The following CAMK2A variants were observed in gnomAD, a reference collection of about 807,000 sequenced individuals.
CAMK2A encodes calcium/calmodulin-dependent protein kinase type II subunit alpha.
A neutral mutation model predicts 79.2 loss-of-function variants in CAMK2A; 7 were observed. That is an observed-to-expected ratio of 0.09 (90% CI 0.05 to 0.17). The LOEUF (loss-of-function observed/expected upper bound fraction) is 0.17. CAMK2A is among the 10% of genes least tolerant of loss of function. The pLI is 1.00. For missense variants in CAMK2A, 214 were observed against 646.4 expected (o/e 0.33, Z 7.25); for synonymous variants, 242 against 251.7 (o/e 0.96, Z 0.36).
Position 150,256,954 on chromosome 5 carries a change from G to T in CAMK2A, c.273-123C>A. 1 of 763,272 alleles carries T rather than the reference G, an allele frequency of 1.3e-6. No homozygotes were observed. The allele number at this position is 763,272 out of a possible 1,614,324, so 47.3% of individuals were successfully genotyped here. ...TCAGGACCTCAGCCACAAAAGGAGGGGCCCCAGGGTCACGGGGGTGTCCCC... is the reference window on the plus strand; with the variant it reads ...TCAGGACCTCAGCCACAAAAGGAGGTGCCCCAGGGTCACGGGGGTGTCCCC... On this transcript the variant is annotated intron_variant, in intron 4 of 18. Transcript: ENST00000671881. This position sits in a 1 kb window ranked among gnomAD's most constrained non-coding sequence, Gnocchi z 4.6.
chr5:150,222,476 G>C lies in CAMK2A; in HGVS notation c.*234C>G. The C allele has an allele frequency of 1.4e-6, 1 of 703,586 alleles. No individual in the cohort carries two copies. The highest frequency in any genetic ancestry group is 2.6e-6 in the Non-Finnish European group (1 of 385,670). 43.6% of individuals were successfully genotyped at this position (703,586 alleles called of 1,614,324 possible). ...GACACCCATGCCTGAGGAAGCCCCA[G>C]CCTGGCAGGGGAGAGGGTGGGGGTG... is the stretch of plus-strand genomic sequence containing the variant. On this transcript the variant is annotated 3_prime_UTR_variant, in exon 19 of 19. Transcript: ENST00000671881.
chr5:150,234,195 A>G (rs376824831), intron 15 of CAMK2A, among the ~76,000 whole-genome samples: 8 of 152,098 alleles, frequency 5.3e-5, no homozygotes, highest in African/African-American at 1.9e-4. Flanking sequence ...GTGAGACCTG[A>G]GTCACTCTCC....
In CAMK2A at chr5:150,223,255, C is replaced by CG. The variant is rs766492379; in HGVS notation, c.1238-39dup. On this transcript the variant is annotated intron_variant, in intron 17 of 18. Coordinates refer to ENST00000671881, the MANE Select transcript of CAMK2A (RefSeq NM_015981.4). This position sits in a 1 kb window ranked among gnomAD's most constrained non-coding sequence, Gnocchi z 4.1. ...ATGGGAGGGGCAGAGGAGATGCAAC[C>CG]GGGGGCCTCCTGTCTCACTTTCTTC... 6.6e-6 allele frequency: 10 copies of CG among 1,526,326 alleles called. No individual in the cohort carries two copies. 94.5% of individuals were successfully genotyped at this position (1,526,326 alleles called of 1,614,324 possible).
At chr5:150,279,661 G>A (rs1580955398) in intron 1 of CAMK2A, among the ~76,000 whole-genome samples, 2 of 152,334 alleles carry the variant, frequency 1.3e-5, no homozygotes, top group Admixed American at 6.5e-5. Flanking sequence ...GAGCCACAGC[G>A]AGGTAAAGAA....
At chr5:150,272,102 T>C (rs1030730719) in intron 2 of CAMK2A, among the ~76,000 whole-genome samples, 1 of 152,192 alleles carries the variant, frequency 6.6e-6, no homozygotes, top group Non-Finnish European at 1.5e-5. Context: ...TGGAGTTCAC[T>C]GGCCCCTCTC....
Position 150,284,155 on chromosome 5 carries a change from G to T in CAMK2A, c.62+5409C>A, listed in dbSNP as rs1757327582. 2.0e-5 allele frequency among the ~76,000 whole-genome samples: 3 copies of T among 151,302 alleles called. No homozygotes were observed. The highest frequency in any genetic ancestry group is 2.2e-4 in the South Asian group (1 of 4,560). Reference sequence around the variant, plus strand: ...AGAGGGACAGAGACAGAGGCAGAGTGAGACCAGAGAGACAGAGACAGAGTG... The same window carrying T: ...AGAGGGACAGAGACAGAGGCAGAGTTAGACCAGAGAGACAGAGACAGAGTG... On this transcript the variant is annotated intron_variant, in intron 1 of 18. Transcript: ENST00000671881. The surrounding 1 kb of genome is among the most constrained non-coding windows in gnomAD (Gnocchi z 5.3).
At chr5:150,251,508 A>G (rs1755832262) in intron 9 of CAMK2A, among the ~76,000 whole-genome samples, 1 of 152,242 alleles carries the variant, frequency 6.6e-6, no homozygotes, top group East Asian at 1.9e-4. Context: ...AGAAACAGAG[A>G]AACCCTGGCT....
At chr5:150,276,816 G>A (rs146759862) in intron 1 of CAMK2A, among the ~76,000 whole-genome samples, 310 of 152,262 alleles carry the variant, frequency 2.0e-3, no homozygotes, top group African/African-American at 6.4e-3. Flanking sequence ...ATGGTTGGAC[G>A]GGGGAGGGAG....
intron 15 of CAMK2A, chr5:150,238,447 A>G: frequency 2.6e-6 from 1 of 389,498 alleles, no homozygotes; most frequent in South Asian, 2.6e-5. Context: ...GCGAGACGTC[A>G]TCTCAAAAAA....
At chr5:150,283,688 T>C (rs914700814) in intron 1 of CAMK2A, among the ~76,000 whole-genome samples, 4 of 152,208 alleles carry the variant, frequency 2.6e-5, no homozygotes, top group African/African-American at 7.2e-5. Flanking sequence ...TCCAGTTGCA[T>C]GTAAATAATG....
intron 12 of CAMK2A, 107 bp downstream of exon 12, chr5:150,247,665 C>T (rs1307301431): frequency 1.1e-5 from 9 of 850,166 alleles, no homozygotes; most frequent in Admixed American, 7.2e-5. Flanking sequence ...TCTACAACTC[C>T]CTCTCCCCAG....
At chr5:150,280,842 T>C (rs965399690) in intron 1 of CAMK2A, among the ~76,000 whole-genome samples, 4 of 152,296 alleles carry the variant, frequency 2.6e-5, no homozygotes, top group Admixed American at 6.5e-5. Flanking sequence ...GCTCCCGGCC[T>C]CTTTCTACCC....
intron 13 of CAMK2A, among the ~76,000 whole-genome samples, chr5:150,242,523 A>T (rs1755394149): frequency 6.6e-6 from 1 of 152,104 alleles, no homozygotes; most frequent in Admixed American, 6.5e-5. Flanking sequence ...CGGTAGGAGG[A>T]ATGTGTGCCT....
intron 1 of CAMK2A, 90 bp from the exon 2 acceptor site, chr5:150,273,249 T>C (rs1756825359): frequency 2.1e-6 from 2 of 954,282 alleles, no homozygotes. Flanking sequence ...TGCCCCACGC[T>C]AGACAGAAGC....
intron 1 of CAMK2A, among the ~76,000 whole-genome samples, chr5:150,283,625 T>C (rs1757304265): frequency 6.6e-6 from 1 of 152,198 alleles, no homozygotes; most frequent in Admixed American, 6.5e-5. Context: ...TCACCCCAAC[T>C]AATCGAGGTC....
intron 9 of CAMK2A, among the ~76,000 whole-genome samples, chr5:150,251,439 G>C (rs1454763423): frequency 9.9e-6 from 1 of 100,936 alleles, no homozygotes; most frequent in Non-Finnish European, 1.9e-5. Context: ...AATAATATGT[G>C]TAAAACATTC....
At chr5:150,263,168 G>C (rs1436933282) in intron 3 of CAMK2A, among the ~76,000 whole-genome samples, 1 of 152,168 alleles carries the variant, frequency 6.6e-6, no homozygotes, top group Non-Finnish European at 1.5e-5. Context: ...TACATGTCCA[G>C]GGTCACACAG....
intron 6 of CAMK2A, among the ~76,000 whole-genome samples, chr5:150,255,278 A>G (rs1756006063): frequency 6.6e-6 from 1 of 152,184 alleles, no homozygotes; most frequent in South Asian, 2.1e-4. Context: ...CACTCGTCTC[A>G]TCTAGACTGA....
In CAMK2A at chr5:150,287,474, G is replaced by A. The variant is rs1168254848; in HGVS notation, c.62+2090C>T. 1.2e-4 allele frequency among the ~76,000 whole-genome samples: 19 copies of A among 152,194 alleles called. 1 individual carries two copies. Among genetic ancestry groups the A allele is most frequent in the Admixed American group, 1.2e-3 (19 of 15,286 alleles). On this transcript the variant is annotated intron_variant, in intron 1 of 18. Transcript: ENST00000671881. ...CGGTTTTCCTGCCATGGCCACACCA[G>A]GGCTCCCTTGCCCCTGAAATTCTCT...
Sources: allele counts gnomAD v4.1 joint callset (sites outside exome capture counted in the v4.1 genomes callset), GRCh38; gene constraint gnomAD v4.1.1; non-coding constraint Gnocchi (gnomAD v3.1); transcripts MANE v1.5; gene names NCBI Gene and HGNC (gene_info 2026-07-23, HGNC 2026-07-21).